CPT1A: variants seen among roughly 807,000 people sequenced by gnomAD.
The protein encoded by CPT1A is carnitine palmitoyltransferase 1A, also known as carnitine O-palmitoyltransferase 1, liver isoform.
Under a neutral mutation model 100.8 loss-of-function variants are expected in CPT1A, and 64 were observed. The observed-to-expected ratio is 0.63, with a 90% CI of 0.52 to 0.78. The LOEUF (loss-of-function observed/expected upper bound fraction) is 0.78, where lower values mean the gene tolerates loss of function less well. Among genes scored for constraint, CPT1A ranks in the 30% least tolerant of loss-of-function variants. The pLI is 0.00. For synonymous variants in CPT1A, 363 were observed against 396.0 expected, an observed-to-expected ratio of 0.92 and a Z score of 0.99; for missense variants, 802 against 1,034.1, an observed-to-expected ratio of 0.78 and a Z score of 3.08.
At chr11:68,815,287 A>C (rs756571958) in intron 2 of CPT1A, 47 bp downstream of exon 2, 1 of 1,596,398 alleles carries the variant, frequency 6.3e-7, no homozygotes, top group Admixed American at 1.7e-5. Flanking sequence ...CCCCGTTCTT[A>C]GATATTAAAA....
In CPT1A at chr11:68,755,789, G is replaced by A. The variant is rs1442583364; in HGVS notation, c.*1855C>T. The A allele has an allele frequency of 2.0e-5, 3 of 149,052 alleles. No individual in the cohort carries two copies. The highest frequency in any genetic ancestry group is 7.4e-5 in the African/African-American group (3 of 40,682). The allele number at this position is 149,052 out of a possible 1,614,324, so 9.2% of individuals were successfully genotyped here. ...AAAAATCTTTGGCCCATAAAGGTGG[G>A]ATTTTTACATCATGAAGTATACATA... On this transcript the variant is annotated 3_prime_UTR_variant, in exon 19 of 19. Coordinates refer to ENST00000265641, the MANE Select transcript of CPT1A (RefSeq NM_001876.4).
At position 68,841,085 on chromosome 11, in the gene CPT1A, C is replaced by T. The variant is rs115876173; in HGVS notation, c.-14+690G>A. ...CAAGGGCGTGTCCCGACGGCTGCAC[C>T]GCGAGGGCGGGCATGGGGAGGGGGA... On this transcript the variant is annotated intron_variant, in intron 1 of 18. Transcript: ENST00000265641. This position sits in a 1 kb window ranked among gnomAD's most constrained non-coding sequence, Gnocchi z 6.3. 0.01 allele frequency among the ~76,000 whole-genome samples: 1,536 copies of T among 152,374 alleles called. 29 individuals are homozygous for T. The highest frequency in any genetic ancestry group is 0.035 in the African/African-American group (1,465 of 41,596).
At position 68,757,095 on chromosome 11, in the gene CPT1A, A is replaced by C. The variant is rs967867328; in HGVS notation, c.*549T>G. On this transcript the variant is annotated 3_prime_UTR_variant, in exon 19 of 19. Coordinates refer to ENST00000265641, the MANE Select transcript of CPT1A (RefSeq NM_001876.4). ...AAATGTGGAGAGGCAAACACAGGCT[A>C]CTGGACCAGACGGGAACGGTTACCC... 10 of 168,794 alleles carry C rather than the reference A, an allele frequency of 5.9e-5. No individual in the cohort carries two copies. The highest frequency in any genetic ancestry group is 5.6e-5 in the Admixed American group (1 of 17,788). 10.5% of individuals were successfully genotyped at this position (168,794 alleles called of 1,614,324 possible). A position where few individuals can be genotyped will look rare whatever the true frequency, so the allele number is the denominator to read the frequency against.
intron 14 of CPT1A, 125 bp from the exon 15 acceptor site, chr11:68,762,886 T>A (rs1854671358): frequency 3.2e-6 from 4 of 1,250,742 alleles, no homozygotes; most frequent in Non-Finnish European, 4.5e-6. Flanking sequence ...TGAGACGGGG[T>A]CTTGCTGTTG....
intron 11 of CPT1A, among the ~76,000 whole-genome samples, chr11:68,781,228 G>A (rs937719042): frequency 1.3e-5 from 2 of 152,214 alleles, no homozygotes; most frequent in Non-Finnish European, 2.9e-5. Flanking sequence ...TGCATCTCAT[G>A]AGCATCTCCA....
intron 15 of CPT1A, 148 bp downstream of exon 15, chr11:68,762,479 A>G (rs1854655417): frequency 1.0e-6 from 1 of 955,448 alleles, no homozygotes; most frequent in African/African-American, 1.6e-5. Flanking sequence ...GTACCCTTGA[A>G]AGGGGCAGAG....
chr11:68,789,119 A>T (rs975185423), intron 9 of CPT1A, among the ~76,000 whole-genome samples: 1 of 152,236 alleles, frequency 6.6e-6, no homozygotes, highest in African/African-American at 2.4e-5. Flanking sequence ...TGGAGTGGTA[A>T]GATTAGGGCT....
intron 14 of CPT1A, among the ~76,000 whole-genome samples, chr11:68,772,891 C>G (rs1468557747): frequency 1.3e-5 from 2 of 152,140 alleles, no homozygotes; most frequent in African/African-American, 4.8e-5. Flanking sequence ...GAGCGCCAGA[C>G]GAATACGTAA....
chr11:68,813,528 C>T (rs1856278972), intron 2 of CPT1A, among the ~76,000 whole-genome samples: 1 of 26,720 alleles, frequency 3.7e-5, no homozygotes, highest in Admixed American at 4.7e-4. Flanking sequence ...GAGGCTCTGT[C>T]CAAAAAAAAA....
In CPT1A at chr11:68,773,253, G is replaced by A; in HGVS notation, c.1740+12C>T. 1 of 1,613,728 alleles carries A rather than the reference G, an allele frequency of 6.2e-7. No homozygotes were observed. Among genetic ancestry groups the A allele is most frequent in the Non-Finnish European group, 8.5e-7 (1 of 1,179,988 alleles). Reference sequence around the variant, plus strand: ...AGTGCTCACGACAAAACCCTAGGCGGTCAGTTCTTACCTTGTAGTGCGCCA... The same window carrying A: ...AGTGCTCACGACAAAACCCTAGGCGATCAGTTCTTACCTTGTAGTGCGCCA... On this transcript the variant is annotated intron_variant, in intron 14 of 18. Transcript: ENST00000265641.
At chr11:68,837,105 A>G (rs997528057) in intron 1 of CPT1A, among the ~76,000 whole-genome samples, 4 of 152,022 alleles carry the variant, frequency 2.6e-5, no homozygotes, top group Non-Finnish European at 5.9e-5. Context: ...GCTGGAGTGC[A>G]GTGGTGTGAT....
chr11:68,773,769 GA>G lies in CPT1A; in HGVS notation c.1576-341del, dbSNP rs1303710215. The G allele has an allele frequency of 6.6e-5, 22 of 331,434 alleles. No individual in the cohort carries two copies. In the East Asian group the frequency reaches 1.6e-3, roughly 24 times the overall value. The allele number at this position is 331,434 out of a possible 1,614,324, so 20.5% of individuals were successfully genotyped here. A position where few individuals can be genotyped will look rare whatever the true frequency, so the allele number is the denominator to read the frequency against. ...ATAATAGGTCACAGCCGGTGCCAGG[GA>G]AAGGCAGTCTCTCAGTAGATAGAAA... On this transcript the variant is annotated intron_variant, in intron 13 of 18. Coordinates refer to ENST00000265641, the MANE Select transcript of CPT1A (RefSeq NM_001876.4).
intron 1 of CPT1A, among the ~76,000 whole-genome samples, chr11:68,830,644 C>G (rs1856852567): frequency 6.6e-6 from 1 of 152,244 alleles, no homozygotes; most frequent in South Asian, 2.1e-4. Context: ...CCAAGCTCAG[C>G]TCTCCCTGTC....
chr11:68,813,870 G>A (rs1387826833), intron 2 of CPT1A, among the ~76,000 whole-genome samples: 1 of 152,122 alleles, frequency 6.6e-6, no homozygotes, highest in Non-Finnish European at 1.5e-5. Context: ...TGTCACCTTG[G>A]TGGGTTATTT....
chr11:68,777,886 C>T (rs894733738), intron 12 of CPT1A, among the ~76,000 whole-genome samples: 4 of 152,154 alleles, frequency 2.6e-5, no homozygotes, highest in African/African-American at 4.8e-5. Flanking sequence ...TTTATTAAAG[C>T]GTGCCTTCTT....
chr11:68,761,423 G>A (rs962143774), intron 16 of CPT1A, 112 bp downstream of exon 16: 38 of 1,284,770 alleles, frequency 3.0e-5, no homozygotes, highest in East Asian at 7.0e-5. Context: ...CCACAGACCC[G>A]TTTTTTTCAA....
chr11:68,782,322 C>T (rs1000177462), intron 10 of CPT1A, among the ~76,000 whole-genome samples: 3 of 152,182 alleles, frequency 2.0e-5, no homozygotes, highest in Non-Finnish European at 4.4e-5. Context: ...AGGTAAGTTC[C>T]GGCAGCCCAG....
At chr11:68,824,885 G>A (rs1856682264) in intron 1 of CPT1A, among the ~76,000 whole-genome samples, 1 of 131,532 alleles carries the variant, frequency 7.6e-6, no homozygotes. Context: ...GTTAACCTTT[G>A]CCTCCCGGGT....
rs1038128416 is a variant in CPT1A at position 68,841,581 on chromosome 11, G to T, written c.-14+194C>A. 3.9e-5 allele frequency among the ~76,000 whole-genome samples: 6 copies of T among 152,282 alleles called. No homozygotes were observed. Among genetic ancestry groups the T allele is most frequent in the African/African-American group, 1.4e-4 (6 of 41,562 alleles). ...CCCCTGGGGAACATGGGGAGCCCCGGCCTCTTTCTGGGTTCAGGATCTCCA... is the reference window on the plus strand; with the variant it reads ...CCCCTGGGGAACATGGGGAGCCCCGTCCTCTTTCTGGGTTCAGGATCTCCA... On this transcript the variant is annotated intron_variant, in intron 1 of 18. Coordinates refer to ENST00000265641, the MANE Select transcript of CPT1A (RefSeq NM_001876.4). This position sits in a 1 kb window ranked among gnomAD's most constrained non-coding sequence, Gnocchi z 6.3.
Sources: allele counts gnomAD v4.1 joint callset (sites outside exome capture counted in the v4.1 genomes callset), GRCh38; gene constraint gnomAD v4.1.1; non-coding constraint Gnocchi (gnomAD v3.1); transcripts MANE v1.5; gene names NCBI Gene and HGNC (gene_info 2026-07-23, HGNC 2026-07-21).